Variants in NR3C2 observed in about 807,000 individuals in gnomAD.
NR3C2 encodes mineralocorticoid receptor.
Under a neutral mutation model 86.4 loss-of-function variants are expected in NR3C2, and 15 were observed. That is an observed-to-expected ratio of 0.17 (90% CI 0.12 to 0.27). NR3C2 has a LOEUF of 0.27. Among genes scored for constraint, NR3C2 ranks in the 10% least tolerant of loss-of-function variants. The pLI is 1.00. For synonymous variants in NR3C2, 458 were observed against 450.5 expected, an observed-to-expected ratio of 1.02 and a Z score of -0.21; for missense variants, 960 against 1,195.6, an observed-to-expected ratio of 0.80 and a Z score of 2.91.
intron 2 of NR3C2, among the ~76,000 whole-genome samples, chr4:148,359,479 A>G (rs576720122): frequency 2.0e-4 from 30 of 152,320 alleles, no homozygotes; most frequent in African/African-American, 5.8e-4. Context: ...TGGTTTTACC[A>G]TTCACAAATG....
At chr4:148,399,557 A>G (rs1240411698) in intron 2 of NR3C2, among the ~76,000 whole-genome samples, 3 of 152,134 alleles carry the variant, frequency 2.0e-5, no homozygotes, top group African/African-American at 7.2e-5. Context: ...CTAAGAGAAA[A>G]TAAAATAATT....
Position 148,401,817 on chromosome 4 carries a change from C to T in NR3C2, c.1757+33287G>A, listed in dbSNP as rs151138207. 3.7e-3 allele frequency among the ~76,000 whole-genome samples: 564 copies of T among 152,136 alleles called. 2 individuals are homozygous for T. The highest frequency in any genetic ancestry group is 0.013 in the African/African-American group (529 of 41,510). On this transcript the variant is annotated intron_variant, in intron 2 of 8. Coordinates refer to ENST00000358102, the MANE Select transcript of NR3C2 (RefSeq NM_000901.5). ...CCTTTTCTCCATGCCTTTTTCCCTCCTAATGTTTGGGACCAGGAGGATAAG... is the reference window on the plus strand; with the variant it reads ...CCTTTTCTCCATGCCTTTTTCCCTCTTAATGTTTGGGACCAGGAGGATAAG...
At chr4:148,399,063 T>A (rs1748009067) in intron 2 of NR3C2, among the ~76,000 whole-genome samples, 1 of 152,370 alleles carries the variant, frequency 6.6e-6, no homozygotes, top group Middle Eastern at 3.4e-3. Flanking sequence ...AACTATGTCC[T>A]GGTTATCCCT....
At chr4:148,083,260 G>T (rs1288294724) in intron 8 of NR3C2, among the ~76,000 whole-genome samples, 1 of 152,184 alleles carries the variant, frequency 6.6e-6, no homozygotes, top group Non-Finnish European at 1.5e-5. Context: ...GTGGGTCCCT[G>T]ATCCCTGTGC....
At chr4:148,371,991 T>G (rs1040310289) in intron 2 of NR3C2, among the ~76,000 whole-genome samples, 2 of 152,174 alleles carry the variant, frequency 1.3e-5, no homozygotes, top group African/African-American at 4.8e-5. Flanking sequence ...CCAACTACAG[T>G]TGGCCTCCTA....
chr4:148,358,635 TAA>T lies in NR3C2; in HGVS notation c.1757+76467_1757+76468del, dbSNP rs56746692. 1.8e-3 allele frequency among the ~76,000 whole-genome samples: 269 copies of T among 150,794 alleles called. 2 individuals carry two copies. Among genetic ancestry groups the T allele is most frequent in the East Asian group, 0.017 (89 of 5,114 alleles). On this transcript the variant is annotated intron_variant, in intron 2 of 8. Transcript: ENST00000358102. ...TTAAAGTATAATAACAAATAAAAAATAAAAAAAAAAATAAAATGCCATATCTC... is the reference window on the plus strand; with the variant it reads ...TTAAAGTATAATAACAAATAAAAAATAAAAAAAAATAAAATGCCATATCTC...
intron 2 of NR3C2, among the ~76,000 whole-genome samples, chr4:148,304,328 CTTTT>C (rs35633620): frequency 2.4e-5 from 2 of 83,882 alleles, no homozygotes; most frequent in African/African-American, 4.4e-5. Context: ...GTTGTTGTTG[CTTTT>C]TTTTTTTTTT....
chr4:148,083,133 G>T (rs1422058347), intron 8 of NR3C2, among the ~76,000 whole-genome samples: 1 of 152,200 alleles, frequency 6.6e-6, no homozygotes, highest in Non-Finnish European at 1.5e-5. Context: ...GGGGGAAGGG[G>T]TGGCTGTGGG....
intron 6 of NR3C2, among the ~76,000 whole-genome samples, chr4:148,144,112 G>A (rs1247022121): frequency 6.6e-6 from 1 of 152,116 alleles, no homozygotes; most frequent in African/African-American, 2.4e-5. Flanking sequence ...CTCTCATTAT[G>A]ATGTAACTCA....
At chr4:148,268,294 G>A (rs892325118) in intron 2 of NR3C2, among the ~76,000 whole-genome samples, 4 of 152,006 alleles carry the variant, frequency 2.6e-5, no homozygotes, top group African/African-American at 4.8e-5. Flanking sequence ...ATTATTTAGC[G>A]GGAATATTTG....
chr4:148,119,007 T>C (rs1470826893), intron 7 of NR3C2, among the ~76,000 whole-genome samples: 1 of 152,118 alleles, frequency 6.6e-6, no homozygotes, highest in Non-Finnish European at 1.5e-5. Context: ...TTGAATCTAT[T>C]CCGCCAGAGA....
chr4:148,101,068 G>A (rs2149716789), intron 8 of NR3C2, among the ~76,000 whole-genome samples: 1 of 152,310 alleles, frequency 6.6e-6, no homozygotes, highest in Middle Eastern at 3.4e-3. Context: ...AGGACAAAGA[G>A]CTCTGGAAAT....
chr4:148,122,219 C>G (rs1732539772), intron 6 of NR3C2, among the ~76,000 whole-genome samples: 1 of 152,046 alleles, frequency 6.6e-6, no homozygotes, highest in African/African-American at 2.4e-5. Context: ...TTTGACTATT[C>G]ATATCTTTAC....
At position 148,154,830 on chromosome 4, in the gene NR3C2, G is replaced by C; in HGVS notation, c.2086C>G (p.Pro696Ala). ...EEQPQQQQPP[P>A]PPPPPQSPEE... is the part of the protein sequence containing the mutation. Reference sequence around the variant, plus strand: ...GGGCTTTGCGGGGGTGGGGGTGGGGGTGGGGGCTGCTGCTGCTGTGGCTGC... The same window carrying C: ...GGGCTTTGCGGGGGTGGGGGTGGGGCTGGGGGCTGCTGCTGCTGTGGCTGC... Residue 696 changes from proline to alanine, a missense_variant, in exon 5 of 9, where the codon CCC becomes GCC. Transcript: ENST00000358102. 1.5e-6 allele frequency: 2 copies of C among 1,368,490 alleles called. No homozygotes were observed. The highest frequency in any genetic ancestry group is 2.0e-6 in the Non-Finnish European group (2 of 1,012,480). The allele number at this position is 1,368,490 out of a possible 1,614,324, so 84.8% of individuals were successfully genotyped here.
chr4:148,264,329 G>A (rs567627465), intron 2 of NR3C2, among the ~76,000 whole-genome samples: 17 of 152,306 alleles, frequency 1.1e-4, no homozygotes, highest in Middle Eastern at 3.4e-3. Flanking sequence ...TTTGCATCCA[G>A]TTTTAAGAAA....
intron 4 of NR3C2, among the ~76,000 whole-genome samples, chr4:148,164,591 T>C (rs1026161343): frequency 2.6e-5 from 4 of 152,170 alleles, no homozygotes; most frequent in Admixed American, 6.5e-5. Context: ...AATAGCACTA[T>C]GATAGCTGTA....
At chr4:148,181,661 C>T (rs1332442411) in intron 4 of NR3C2, among the ~76,000 whole-genome samples, 1 of 152,156 alleles carries the variant, frequency 6.6e-6, no homozygotes, top group Non-Finnish European at 1.5e-5. Context: ...CAGAGAGCCA[C>T]GGGGCTTTTT....
At chr4:148,106,905 C>T (rs1455822921) in intron 8 of NR3C2, among the ~76,000 whole-genome samples, 1 of 152,128 alleles carries the variant, frequency 6.6e-6, no homozygotes, top group African/African-American at 2.4e-5. Context: ...ACCATAAAAA[C>T]CCTAGAAGAA....
At chr4:148,390,169 C>CA (rs1398156350) in intron 2 of NR3C2, among the ~76,000 whole-genome samples, 3 of 112,290 alleles carry the variant, frequency 2.7e-5, no homozygotes, top group Non-Finnish European at 5.3e-5. Context: ...AGGAACCCTT[C>CA]AAGTATACAT....
Sources: allele counts gnomAD v4.1 joint callset (sites outside exome capture counted in the v4.1 genomes callset), GRCh38; gene constraint gnomAD v4.1.1; transcripts MANE v1.5; gene names NCBI Gene and HGNC (gene_info 2026-07-23, HGNC 2026-07-21).